The following FABP6 variants were observed in gnomAD, a reference collection of about 807,000 sequenced individuals.
The protein encoded by FABP6 is gastrotropin.
In FABP6, 13 loss-of-function variants were observed where a neutral mutation model predicts 14.9. The observed-to-expected ratio is 0.87, with a 90% CI of 0.57 to 1.39. The LOEUF (loss-of-function observed/expected upper bound fraction) is 1.39. Ranked by LOEUF, FABP6 falls within the 40% of genes most tolerant of loss-of-function variation. The pLI is 0.00. For missense variants in FABP6, 161 were observed against 167.2 expected, an observed-to-expected ratio of 0.96 and a Z score of 0.20; for synonymous variants, 75 against 63.6, an observed-to-expected ratio of 1.18 and a Z score of -0.85.
chr5:160,231,948 A>G, intron 1 of FABP6, 150 bp from the exon 2 acceptor site: 2 of 785,520 alleles, frequency 2.5e-6, no homozygotes, highest in East Asian at 5.5e-5. Flanking sequence ...AGCACGTATT[A>G]GCTGTCTCAG....
Position 160,199,187 on chromosome 5 carries a change from T to C in FABP6, c.51+30T>C, listed in dbSNP as rs767724967. Reference sequence around the variant, plus strand: ...CTCCGTGAAGCTGGAAATAAGTCATTTGAGGCAAATGAAAGGATGACCCAG... The same window carrying C: ...CTCCGTGAAGCTGGAAATAAGTCATCTGAGGCAAATGAAAGGATGACCCAG... On this transcript the variant is annotated intron_variant, in intron 2 of 6. Transcript: ENST00000393980. The C allele has an allele frequency of 2.0e-5, 33 of 1,613,372 alleles. No homozygotes were observed. The South Asian group carries it at 2.3e-4, about 11-fold the overall frequency.
chr5:160,191,090 G>GAAAA (rs58261991), intron 1 of FABP6, among the ~76,000 whole-genome samples: 1 of 127,634 alleles, frequency 7.8e-6, no homozygotes. Context: ...ACTCCATCTG[G>GAAAA]AAAAAAAAAA....
chr5:160,234,918 CA>C lies in FABP6; in HGVS notation c.333+10del. 6.2e-7 allele frequency: 1 copy of C among 1,607,844 alleles called. No individual in the cohort carries two copies. Among genetic ancestry groups the C allele is most frequent in the Non-Finnish European group, 8.5e-7 (1 of 1,176,302 alleles). Reference sequence around the variant, plus strand: ...GTGACAAGCTGGTGGAGGTGAGTGTCATGCTGATTCCTGGGATGATTATTGG... The same window carrying C: ...GTGACAAGCTGGTGGAGGTGAGTGTCTGCTGATTCCTGGGATGATTATTGG... On this transcript the variant is annotated intron_variant, in intron 3 of 3. Transcript: ENST00000402432.
chr5:160,227,920 T>G (rs1282614306), upstream of FABP6, among the ~76,000 whole-genome samples: 1 of 150,470 alleles, frequency 6.6e-6, no homozygotes, highest in Non-Finnish European at 1.5e-5. Context: ...ATTCCAAGAT[T>G]GGAGATTAAA....
chr5:160,230,505 C>T (rs1358897974), intron 1 of FABP6, among the ~76,000 whole-genome samples: 1 of 152,092 alleles, frequency 6.6e-6, no homozygotes, highest in Non-Finnish European at 1.5e-5. Flanking sequence ...GAACTACAGG[C>T]ATGTGCCACC....
At chr5:160,193,486 T>C (rs957228023) in intron 1 of FABP6, among the ~76,000 whole-genome samples, 1 of 152,138 alleles carries the variant, frequency 6.6e-6, no homozygotes, top group Non-Finnish European at 1.5e-5. Flanking sequence ...TTCTCTTATT[T>C]GGCCCCACCC....
intron 2 of FABP6, among the ~76,000 whole-genome samples, chr5:160,210,417 AC>A (rs1759862593): frequency 6.6e-6 from 1 of 152,230 alleles, no homozygotes; most frequent in Non-Finnish European, 1.5e-5. Flanking sequence ...TCAACCTGGA[AC>A]AGCACCTCAA....
intron 1 of FABP6, among the ~76,000 whole-genome samples, chr5:160,191,928 C>T (rs10058450): frequency 0.22 from 34,058 of 151,532 alleles, 3,859 homozygotes; most frequent in South Asian, 0.25. Context: ...GAGCCAAGAT[C>T]ACGCCACTGC....
chr5:160,214,276 G>A (rs186642598), intron 3 of FABP6, among the ~76,000 whole-genome samples: 30 of 151,998 alleles, frequency 2.0e-4, no homozygotes, highest in African/African-American at 6.5e-4. Context: ...TGATCCTCCA[G>A]CCTCAGCCTC....
upstream of FABP6, among the ~76,000 whole-genome samples, chr5:160,229,045 A>T (rs1760311234): frequency 6.6e-6 from 1 of 152,004 alleles, no homozygotes; most frequent in Admixed American, 6.6e-5. Context: ...GGCACATCAC[A>T]TCCTGCTTAC....
intron 3 of FABP6, 136 bp downstream of exon 3, chr5:160,235,045 AT>A (rs1320030027): frequency 1.7e-6 from 1 of 572,776 alleles, no homozygotes; most frequent in African/African-American, 1.9e-5. Flanking sequence ...TGAGTGCTGG[AT>A]GCACATGATG....
At chr5:160,235,683 C>G (rs1014023870) in intron 3 of FABP6, among the ~76,000 whole-genome samples, 33 of 152,084 alleles carry the variant, frequency 2.2e-4, no homozygotes, top group African/African-American at 7.7e-4. Context: ...TAGAAAGGGC[C>G]CTTCCCTCCT....
At chr5:160,215,517 G>GAA (rs35492213) in intron 3 of FABP6, among the ~76,000 whole-genome samples, 12 of 136,026 alleles carry the variant, frequency 8.8e-5, no homozygotes, top group Non-Finnish European at 9.6e-5. Flanking sequence ...CTGTCTCAGA[G>GAA]AAAAAAAAAA....
At chr5:160,233,315 AC>A (rs1760433696) in intron 2 of FABP6, among the ~76,000 whole-genome samples, 1 of 152,030 alleles carries the variant, frequency 6.6e-6, no homozygotes, top group African/African-American at 2.4e-5. Context: ...TCTGTGTAGC[AC>A]AGAGATAAAG....
chr5:160,229,348 G>A (rs1490166126), upstream of FABP6: 1 of 1,224,150 alleles, frequency 8.2e-7, no homozygotes, highest in East Asian at 2.8e-5. Flanking sequence ...CTTCCCCAGG[G>A]TGAATAACCT....
At chr5:160,208,734 C>G (rs1759821826) in intron 2 of FABP6, among the ~76,000 whole-genome samples, 1 of 151,974 alleles carries the variant, frequency 6.6e-6, no homozygotes, top group Non-Finnish European at 1.5e-5. Flanking sequence ...GCAAGACAAA[C>G]CTGGCCAACA....
chr5:160,224,617 G>C (rs1375527607), upstream of FABP6, among the ~76,000 whole-genome samples: 1 of 152,080 alleles, frequency 6.6e-6, no homozygotes, highest in African/African-American at 2.4e-5. Flanking sequence ...CAAAGGAAAA[G>C]TTTTTGGAGG....
upstream of FABP6, among the ~76,000 whole-genome samples, chr5:160,226,047 G>A (rs937918425): frequency 4.6e-5 from 7 of 151,672 alleles, no homozygotes; most frequent in Admixed American, 6.6e-5. Context: ...GGTGGTAGGC[G>A]CCTATAATCC....
intron 1 of FABP6, among the ~76,000 whole-genome samples, chr5:160,192,512 A>G (rs972962079): frequency 6.6e-6 from 1 of 152,260 alleles, no homozygotes; most frequent in Non-Finnish European, 1.5e-5. Context: ...AGTGCTCAAC[A>G]TATGTCTGAT....
Sources: gnomAD v4.1 joint callset for allele counts (sites outside exome capture counted in the v4.1 genomes callset) on GRCh38, gnomAD v4.1.1 for gene constraint, MANE v1.5 for transcripts, NCBI Gene and HGNC (gene_info 2026-07-23, HGNC 2026-07-21) for gene names.